Variants in NKAIN3 observed in about 807,000 individuals in gnomAD.
NKAIN3 encodes the protein sodium/potassium transporting ATPase interacting 3.
NKAIN3 carries 25 observed loss-of-function variants against 30.2 expected under a neutral mutation model. The ratio of observed to expected loss-of-function variants is 0.83; its 90% CI spans 0.60 to 1.16. NKAIN3 has a LOEUF of 1.16. NKAIN3 is among the 50% of genes most tolerant of loss of function. NKAIN3 has a pLI of 0.00. For synonymous variants in NKAIN3, 91 were observed against 89.6 expected (o/e 1.02, Z -0.09); for missense variants, 225 against 254.1 (o/e 0.89, Z 0.78).
At chr8:62,922,025 C>T (rs1822295206) in intron 5 of NKAIN3, among the ~76,000 whole-genome samples, 1 of 152,106 alleles carries the variant, frequency 6.6e-6, no homozygotes, top group Admixed American at 6.5e-5. Flanking sequence ...AAAGGCTAGT[C>T]TGGGTTGTAT....
chr8:62,767,582 A>G (rs1563553250), intron 4 of NKAIN3, among the ~76,000 whole-genome samples: 1 of 152,016 alleles, frequency 6.6e-6, no homozygotes, highest in Non-Finnish European at 1.5e-5. Context: ...TTCTCTTACC[A>G]GTATTATTTC....
chr8:62,616,265 G>A (rs1454604226), intron 3 of NKAIN3, among the ~76,000 whole-genome samples: 1 of 152,018 alleles, frequency 6.6e-6, no homozygotes, highest in African/African-American at 2.4e-5. Context: ...AGTTCCACAA[G>A]ACTACGCCTA....
chr8:62,295,281 T>C (rs1585646924), intron 1 of NKAIN3, among the ~76,000 whole-genome samples: 1 of 152,136 alleles, frequency 6.6e-6, no homozygotes, highest in Non-Finnish European at 1.5e-5. Flanking sequence ...GTTGTGGCAG[T>C]ATAAGTGTTA....
chr8:62,965,638 A>G lies in NKAIN3; in HGVS notation c.*231A>G. The G allele has an allele frequency of 3.1e-6, 3 of 959,246 alleles. No individual in the cohort carries two copies. The highest frequency in any genetic ancestry group is 4.8e-5 in the South Asian group (1 of 20,672). 59.4% of individuals were successfully genotyped at this position (959,246 alleles called of 1,614,324 possible). On this transcript the variant is annotated 3_prime_UTR_variant, in exon 7 of 7. Coordinates refer to ENST00000623646, the MANE Select transcript of NKAIN3 (RefSeq NM_001304533.3). ...TAAGTTGTAAAAAAAAAAAAAAAAG[A>G]AAAAACAGAATTTGGTTTTAAATTT...
At position 62,295,563 on chromosome 8, in the gene NKAIN3, T is replaced by C. The variant is rs560940225; in HGVS notation, c.54+46436T>C. On this transcript the variant is annotated intron_variant, in intron 1 of 6. Coordinates refer to ENST00000623646, the MANE Select transcript of NKAIN3 (RefSeq NM_001304533.3). Reference sequence around the variant, plus strand: ...ATGGAAATAAATATTAATGTATTTTTGAGGCTTATTTATATATATGTAGTA... The same window carrying C: ...ATGGAAATAAATATTAATGTATTTTCGAGGCTTATTTATATATATGTAGTA... 1.4e-4 allele frequency among the ~76,000 whole-genome samples: 22 copies of C among 152,350 alleles called. No individual in the cohort carries two copies. The Middle Eastern group carries it at 0.014, about 94-fold the overall frequency.
chr8:62,745,970 C>T (rs1816055966), intron 3 of NKAIN3, among the ~76,000 whole-genome samples: 1 of 152,214 alleles, frequency 6.6e-6, no homozygotes, highest in Non-Finnish European at 1.5e-5. Flanking sequence ...CTGTGACTTA[C>T]TTTTCTCACC....
chr8:62,841,752 G>A (rs568649076), intron 4 of NKAIN3, among the ~76,000 whole-genome samples: 41 of 152,120 alleles, frequency 2.7e-4, no homozygotes, highest in South Asian at 1.0e-3. Flanking sequence ...TGACTACTGC[G>A]GATAATGCTG....
At chr8:62,720,281 C>T (rs543541163) in intron 3 of NKAIN3, among the ~76,000 whole-genome samples, 14 of 152,254 alleles carry the variant, frequency 9.2e-5, no homozygotes, top group African/African-American at 3.4e-4. Flanking sequence ...TACCTTAACA[C>T]ATTTATACAT....
chr8:62,531,153 T>C (rs562129172), intron 1 of NKAIN3, among the ~76,000 whole-genome samples: 9 of 152,282 alleles, frequency 5.9e-5, no homozygotes, highest in Admixed American at 3.3e-4. Context: ...TTAAAAACCA[T>C]GTGTGCTGTC....
chr8:62,533,395 G>A (rs1808548263), intron 1 of NKAIN3, among the ~76,000 whole-genome samples: 1 of 152,234 alleles, frequency 6.6e-6, no homozygotes, highest in Non-Finnish European at 1.5e-5. Flanking sequence ...GAGGCTCTGT[G>A]TGGTGACACC....
intron 1 of NKAIN3, among the ~76,000 whole-genome samples, chr8:62,413,574 G>A (rs1804332959): frequency 6.6e-6 from 1 of 152,040 alleles, no homozygotes; most frequent in Admixed American, 6.6e-5. Context: ...TTTTAATCAA[G>A]AGCTAAATAA....
At chr8:62,651,483 C>A (rs1307777008) in intron 3 of NKAIN3, among the ~76,000 whole-genome samples, 1 of 152,254 alleles carries the variant, frequency 6.6e-6, no homozygotes, top group East Asian at 1.9e-4. Flanking sequence ...GCTGCTATAA[C>A]AAAATACCAG....
At chr8:62,506,230 G>GGGC (rs1807632405) in intron 1 of NKAIN3, among the ~76,000 whole-genome samples, 2 of 141,960 alleles carry the variant, frequency 1.4e-5, no homozygotes, top group Admixed American at 7.0e-5. Flanking sequence ...GAGAATATTG[G>GGGC]GGGGGGGGAC....
chr8:62,351,933 T>C (rs1302863006), intron 1 of NKAIN3, among the ~76,000 whole-genome samples: 3 of 152,256 alleles, frequency 2.0e-5, no homozygotes, highest in African/African-American at 7.2e-5. Context: ...TTACAGAAGT[T>C]ATGTTCCAGG....
chr8:62,445,520 G>C (rs1402553395), intron 1 of NKAIN3, among the ~76,000 whole-genome samples: 1 of 152,100 alleles, frequency 6.6e-6, no homozygotes, highest in Non-Finnish European at 1.5e-5. Context: ...GTTCTTGAGT[G>C]TACACTCCCA....
chr8:62,516,551 T>C (rs986068516), intron 1 of NKAIN3, among the ~76,000 whole-genome samples: 2 of 152,122 alleles, frequency 1.3e-5, no homozygotes, highest in Non-Finnish European at 2.9e-5. Context: ...AAATTGTTGT[T>C]TGGTATTGTA....
At chr8:62,294,945 C>G (rs1244465104) in intron 1 of NKAIN3, among the ~76,000 whole-genome samples, 3 of 152,126 alleles carry the variant, frequency 2.0e-5, no homozygotes, top group African/African-American at 4.8e-5. Context: ...ACACATCTCT[C>G]AGGTCCTTTT....
intron 4 of NKAIN3, among the ~76,000 whole-genome samples, chr8:62,859,780 C>G (rs1039318477): frequency 6.6e-6 from 1 of 152,096 alleles, no homozygotes; most frequent in Non-Finnish European, 1.5e-5. Context: ...GCTAGATTCT[C>G]ATGTACAGGA....
At chr8:62,931,303 T>C (rs1822613419) in intron 5 of NKAIN3, among the ~76,000 whole-genome samples, 1 of 152,208 alleles carries the variant, frequency 6.6e-6, no homozygotes, top group African/African-American at 2.4e-5. Context: ...ATCACAAGTA[T>C]AAAATCAATC....
Sources: gnomAD v4.1 joint callset for allele counts (sites outside exome capture counted in the v4.1 genomes callset) on GRCh38, gnomAD v4.1.1 for gene constraint, MANE v1.5 for transcripts, NCBI Gene and HGNC (gene_info 2026-07-23, HGNC 2026-07-21) for gene names.